Variants in LNPEP observed in about 807,000 individuals in gnomAD.
LNPEP encodes the protein leucyl-cystinyl aminopeptidase.
A neutral mutation model predicts 120.6 loss-of-function variants in LNPEP; 64 were observed. That is an observed-to-expected ratio of 0.53 (90% confidence interval 0.43 to 0.65). The LOEUF is 0.65. LNPEP is among the 30% of genes least tolerant of loss of function. The pLI, the probability that LNPEP is intolerant of heterozygous loss-of-function variation, is 0.00. For missense variants in LNPEP, 1,057 were observed against 1,200.0 expected (o/e 0.88, Z 1.76); for synonymous variants, 435 against 425.4 (o/e 1.02, Z -0.28).
At chr5:96,958,768 C>G (rs1194665152) in intron 1 of LNPEP, 1 of 151,280 alleles carries the variant, frequency 6.6e-6, no homozygotes, top group Non-Finnish European at 1.5e-5. Flanking sequence ...ATCTTCAAAG[C>G]TACCAAAGGT....
At chr5:96,991,704 A>G (rs1790392144) in intron 4 of LNPEP, among the ~76,000 whole-genome samples, 1 of 152,174 alleles carries the variant, frequency 6.6e-6, no homozygotes, top group South Asian at 2.1e-4. Flanking sequence ...GATTCTAGAT[A>G]TTAGCCTTTG....
chr5:96,972,640 G>A (rs945005957), intron 1 of LNPEP, among the ~76,000 whole-genome samples: 1 of 152,082 alleles, frequency 6.6e-6, no homozygotes, highest in African/African-American at 2.4e-5. Flanking sequence ...CAGAGTGATT[G>A]TGGGCTCACC....
chr5:96,973,904 A>G (rs1789931352), intron 1 of LNPEP, among the ~76,000 whole-genome samples: 1 of 152,060 alleles, frequency 6.6e-6, no homozygotes, highest in African/African-American at 2.4e-5. Flanking sequence ...GTATCCCTCA[A>G]TTGATGACTT....
chr5:96,978,346 T>C (rs1439464777), intron 1 of LNPEP, among the ~76,000 whole-genome samples: 2 of 152,106 alleles, frequency 1.3e-5, no homozygotes, highest in Admixed American at 1.3e-4. Flanking sequence ...AGTATGGTTG[T>C]TTCCCATGGA....
intron 5 of LNPEP, 62 bp downstream of exon 5, chr5:96,993,197 T>A: frequency 7.8e-7 from 1 of 1,285,700 alleles, no homozygotes; most frequent in Non-Finnish European, 1.1e-6. Flanking sequence ...ATTTTGTGAA[T>A]TTTTTTAGAA....
chr5:96,978,589 C>T (rs542623360), intron 1 of LNPEP, among the ~76,000 whole-genome samples: 2 of 152,288 alleles, frequency 1.3e-5, no homozygotes, highest in Admixed American at 1.3e-4. Flanking sequence ...GGCATACCAG[C>T]TTGTGGTGCT....
In LNPEP at chr5:96,954,758, A is replaced by T. The variant is rs1314903612; in HGVS notation, c.19+18584A>T. 1.5e-3 allele frequency among the ~76,000 whole-genome samples: 66 copies of T among 45,308 alleles called. 10 individuals carry two copies. In the East Asian group the frequency reaches 0.019, roughly 13 times the overall value. The allele number at this position is 45,308 out of a possible 152,430, so 29.7% of individuals were successfully genotyped here. A position where few individuals can be genotyped will look rare whatever the true frequency, so the allele number is the denominator to read the frequency against. On this transcript the variant is annotated intron_variant, in intron 1 of 17. Transcript: ENST00000231368. Reference sequence around the variant, plus strand: ...TACATATATATATACACATATATATATATATATATATATATTTTTTTTTTT... The same window carrying T: ...TACATATATATATACACATATATATTTATATATATATATATTTTTTTTTTT...
At chr5:96,973,318 T>C (rs1010762633) in intron 1 of LNPEP, among the ~76,000 whole-genome samples, 1 of 152,154 alleles carries the variant, frequency 6.6e-6, no homozygotes, top group African/African-American at 2.4e-5. Context: ...GTGTTTTTCT[T>C]TCTTTTTAAG....
chr5:96,969,155 A>G (rs961476128), intron 1 of LNPEP, among the ~76,000 whole-genome samples: 12 of 152,100 alleles, frequency 7.9e-5, no homozygotes, highest in African/African-American at 2.7e-4. Flanking sequence ...GTTAAAATTT[A>G]AGTGGACACT....
At chr5:97,021,682 G>C (rs1791200275) in intron 13 of LNPEP, among the ~76,000 whole-genome samples, 2 of 152,044 alleles carry the variant, frequency 1.3e-5, no homozygotes, top group African/African-American at 4.8e-5. Context: ...CAGCATAAAG[G>C]TTCCCTACTG....
At chr5:96,961,688 T>C (rs559177449) in intron 1 of LNPEP, among the ~76,000 whole-genome samples, 10 of 152,298 alleles carry the variant, frequency 6.6e-5, no homozygotes, top group African/African-American at 2.4e-4. Context: ...CCTGTATATT[T>C]GCATATAACC....
intron 7 of LNPEP, among the ~76,000 whole-genome samples, chr5:96,997,357 A>T (rs568543818): frequency 1.3e-5 from 2 of 152,196 alleles, no homozygotes; most frequent in South Asian, 4.1e-4. Flanking sequence ...AATTGATGTT[A>T]ATTAATATCA....
chr5:96,990,522 A>G (rs1307669460), intron 4 of LNPEP, among the ~76,000 whole-genome samples: 1 of 152,222 alleles, frequency 6.6e-6, no homozygotes, highest in Non-Finnish European at 1.5e-5. Flanking sequence ...TTCCGATGGG[A>G]GTCTATTTGT....
At chr5:97,028,130 A>G (rs541361223) in intron 17 of LNPEP, among the ~76,000 whole-genome samples, 1 of 152,162 alleles carries the variant, frequency 6.6e-6, no homozygotes, top group Non-Finnish European at 1.5e-5. Context: ...TACTTTATTT[A>G]TTGTTACTTA....
Position 97,022,341 on chromosome 5 carries a change from A to T in LNPEP, c.2418A>T (p.Gln806His). 6.2e-7 allele frequency: 1 copy of T among 1,613,300 alleles called. No homozygotes were observed. Among genetic ancestry groups the T allele is most frequent in the Non-Finnish European group, 8.5e-7 (1 of 1,179,534 alleles). ...TACTTCAAAACCAAATTCAACAACA[A>T]ACTTGGACTGATGAGGGCACTCCAT... ...FKLLQNQIQQQTWTDEGTPSM... is the reference protein window; with the variant it reads ...FKLLQNQIQQHTWTDEGTPSM... Residue 806 changes from glutamine (Q) to histidine (H), a missense_variant, in exon 14 of 18, where the codon CAA (glutamine) becomes CAT (histidine). Transcript: ENST00000231368.
intron 13 of LNPEP, among the ~76,000 whole-genome samples, chr5:97,015,398 G>T (rs544418098): frequency 6.6e-6 from 1 of 152,076 alleles, no homozygotes; most frequent in Non-Finnish European, 1.5e-5. Flanking sequence ...CATGATGAAT[G>T]TTTGAAATAG....
chr5:96,936,196 C>A, intron 1 of LNPEP, 22 bp downstream of exon 1: 1 of 1,433,052 alleles, frequency 7.0e-7, no homozygotes, highest in Non-Finnish European at 9.1e-7. Context: ...GCCGAGGCGC[C>A]GGGACCCGGG....
At chr5:96,957,449 A>G (rs4360063) in intron 1 of LNPEP, among the ~76,000 whole-genome samples, 61,171 of 151,896 alleles carry the variant, frequency 0.4, 12,391 homozygotes, top group Non-Finnish European at 0.43. Context: ...TTAGGTTGCA[A>G]TTAGAGTTGC....
At chr5:96,948,406 C>T (rs929062015) in intron 1 of LNPEP, among the ~76,000 whole-genome samples, 1 of 152,262 alleles carries the variant, frequency 6.6e-6, no homozygotes, top group Non-Finnish European at 1.5e-5. Flanking sequence ...GCGTGAGCCA[C>T]CACGCCCAGC....
Sources: allele counts gnomAD v4.1 joint callset (sites outside exome capture counted in the v4.1 genomes callset), GRCh38; gene constraint gnomAD v4.1.1; transcripts MANE v1.5; gene names NCBI Gene and HGNC (gene_info 2026-07-23, HGNC 2026-07-21).